Variants in CCDC171 observed in about 807,000 individuals in gnomAD.
CCDC171 encodes the protein coiled-coil domain-containing protein 171.
A neutral mutation model predicts 168.2 loss-of-function variants in CCDC171; 177 were observed. That is an observed-to-expected ratio of 1.05 (90% CI 0.93 to 1.19). CCDC171 has a LOEUF of 1.19. Among genes scored for constraint, CCDC171 ranks in the 50% most tolerant of loss-of-function variants. The probability of loss-of-function intolerance (pLI) is 0.00; values close to 1 mark genes in which losing one functional copy is unlikely to be tolerated. For missense variants in CCDC171, 1,991 were observed against 1,539.0 expected (o/e 1.29, Z -4.91); for synonymous variants, 687 against 540.8 (o/e 1.27, Z -3.75).
Position 15,880,631 on chromosome 9 carries a change from T to G in CCDC171, c.3600+5968T>G, listed in dbSNP as rs1458138876. On this transcript the variant is annotated intron_variant, in intron 24 of 25. Coordinates refer to ENST00000380701, the MANE Select transcript of CCDC171 (RefSeq NM_173550.4). Reference sequence around the variant, plus strand: ...GCCACCATGCCCGCCTAATTGTTTTTTTTTTTTTTTTTTTTTGTAATTTTA... The same window carrying G: ...GCCACCATGCCCGCCTAATTGTTTTGTTTTTTTTTTTTTTTTGTAATTTTA... Among the ~76,000 whole-genome samples the G allele has an allele frequency of 4.1e-3, 37 of 9,008 alleles. 1 individual carries two copies. Among genetic ancestry groups the G allele is most frequent in the Admixed American group, 0.012 (5 of 434 alleles). 5.9% of individuals were successfully genotyped at this position (9,008 alleles called of 152,430 possible). A position where few individuals can be genotyped will look rare whatever the true frequency, so the allele number is the denominator to read the frequency against.
At chr9:15,685,526 T>C (rs1304225995) in intron 10 of CCDC171, among the ~76,000 whole-genome samples, 2 of 152,042 alleles carry the variant, frequency 1.3e-5, no homozygotes, top group Admixed American at 6.6e-5. Flanking sequence ...TTCTAGCTAC[T>C]TGGGAGGCTG....
intron 18 of CCDC171, among the ~76,000 whole-genome samples, chr9:15,746,487 A>G (rs1340682731): frequency 1.3e-5 from 2 of 152,240 alleles, no homozygotes; most frequent in South Asian, 2.1e-4. Flanking sequence ...ACCTCAAGAT[A>G]CTGGGTTTGA....
intron 3 of CCDC171, among the ~76,000 whole-genome samples, chr9:15,992,332 A>G (rs1832228639): frequency 1.3e-5 from 2 of 152,204 alleles, no homozygotes; most frequent in African/African-American, 4.8e-5. Flanking sequence ...CAGAAACCAC[A>G]TGATTATCTC....
In CCDC171 at chr9:15,668,998, G is replaced by A. The variant is rs569311587; in HGVS notation, c.1076+2675G>A. ...ATGTGGAGTTTTGGAGCAGTATATT[G>A]TTTTACCTGTTGTGAACTGACGTAG... On this transcript the variant is annotated intron_variant, in intron 9 of 25. Transcript: ENST00000380701. Among the ~76,000 whole-genome samples, 4 of 152,182 alleles carry A rather than the reference G, an allele frequency of 2.6e-5. No homozygotes were observed. The South Asian group carries it at 8.3e-4, about 32-fold the overall frequency.
intron 24 of CCDC171, among the ~76,000 whole-genome samples, chr9:15,891,954 A>G (rs1002013054): frequency 6.6e-6 from 1 of 152,180 alleles, no homozygotes; most frequent in Non-Finnish European, 1.5e-5. Context: ...AAGGGCCTGA[A>G]TAGATCACTA....
chr9:15,953,690 T>G (rs1829461229), intron 25 of CCDC171, among the ~76,000 whole-genome samples: 1 of 152,172 alleles, frequency 6.6e-6, no homozygotes, highest in Non-Finnish European at 1.5e-5. Context: ...GCTGGCCTCA[T>G]AAAATTTATT....
intron 25 of CCDC171, among the ~76,000 whole-genome samples, chr9:15,953,810 TC>T (rs1391345148): frequency 6.6e-6 from 1 of 152,244 alleles, no homozygotes; most frequent in Non-Finnish European, 1.5e-5. Flanking sequence ...GTCCTAGGCT[TC>T]TCTTGTTGAA....
chr9:15,786,839 A>G (rs1272340354), intron 21 of CCDC171, among the ~76,000 whole-genome samples: 1 of 152,004 alleles, frequency 6.6e-6, no homozygotes, highest in African/African-American at 2.4e-5. Context: ...TGATCTCCCC[A>G]CCATGCACCT....
the CCDC171 span, among the ~76,000 whole-genome samples, chr9:16,092,801 A>C: frequency 6.6e-6 from 1 of 152,116 alleles, no homozygotes; most frequent in Non-Finnish European, 1.5e-5. Context: ...TCTGGTCTCC[A>C]TGGACTGTCA....
chr9:15,577,941 T>C (rs1156874576), intron 3 of CCDC171, among the ~76,000 whole-genome samples: 1 of 152,236 alleles, frequency 6.6e-6, no homozygotes, highest in Non-Finnish European at 1.5e-5. Context: ...TGATCAAGCC[T>C]ATTGAGAAGC....
upstream of CCDC171, among the ~76,000 whole-genome samples, chr9:16,038,866 CAAA>C (rs375463651): frequency 9.9e-5 from 5 of 50,422 alleles, no homozygotes; most frequent in African/African-American, 1.5e-4. Context: ...CCTATCAGGC[CAAA>C]AAAAAAAAAA....
At chr9:15,823,241 G>T (rs1344331170) in intron 21 of CCDC171, among the ~76,000 whole-genome samples, 3 of 152,004 alleles carry the variant, frequency 2.0e-5, no homozygotes, top group Admixed American at 2.0e-4. Context: ...GAGATAAAGG[G>T]TGCAGCACAC....
intron 25 of CCDC171, among the ~76,000 whole-genome samples, chr9:15,954,056 CT>C (rs1045637751): frequency 6.0e-5 from 9 of 150,890 alleles, no homozygotes; most frequent in African/African-American, 2.2e-4. Flanking sequence ...ATTTGAGTTT[CT>C]TTTTTTCTTG....
intron 24 of CCDC171, chr9:15,886,025 G>T (rs1345813790): frequency 6.6e-6 from 1 of 151,960 alleles, no homozygotes; most frequent in Non-Finnish European, 1.5e-5. Context: ...TTTAAACTTG[G>T]AATTATCAAA....
At chr9:15,740,675 G>T (rs7860024) in intron 16 of CCDC171, among the ~76,000 whole-genome samples, 69,510 of 151,868 alleles carry the variant, frequency 0.46, 16,199 homozygotes, top group Non-Finnish European at 0.5. Context: ...CCTGATCTCA[G>T]GTGATCCACC....
intron 7 of CCDC171, among the ~76,000 whole-genome samples, chr9:15,640,176 T>C (rs1343075326): frequency 6.6e-6 from 1 of 152,174 alleles, no homozygotes; most frequent in Non-Finnish European, 1.5e-5. Flanking sequence ...TTTAATGGGA[T>C]TGAATATAAA....
intron 1 of CCDC171, among the ~76,000 whole-genome samples, chr9:16,059,469 T>C (rs1469571520): frequency 6.6e-6 from 1 of 151,642 alleles, no homozygotes; most frequent in African/African-American, 2.4e-5. Context: ...CTGGGCTTTT[T>C]GCTTGATTTT....
At chr9:15,842,967 C>G (rs1475856655) in intron 21 of CCDC171, among the ~76,000 whole-genome samples, 1 of 151,828 alleles carries the variant, frequency 6.6e-6, no homozygotes. Flanking sequence ...TTAATATTCA[C>G]ATTTACCATG....
intron 23 of CCDC171, among the ~76,000 whole-genome samples, chr9:15,856,693 C>T (rs1190901206): frequency 6.6e-6 from 1 of 151,912 alleles, no homozygotes; most frequent in Non-Finnish European, 1.5e-5. Context: ...CTTAGAGATT[C>T]TTATTGCCCT....
Sources: allele counts gnomAD v4.1 joint callset (sites outside exome capture counted in the v4.1 genomes callset), GRCh38; gene constraint gnomAD v4.1.1; transcripts MANE v1.5; gene names NCBI Gene and HGNC (gene_info 2026-07-23, HGNC 2026-07-21).